SIPA1L2: variants seen among roughly 807,000 people sequenced by gnomAD.
The protein encoded by SIPA1L2 is signal induced proliferation associated 1 like 2.
A neutral mutation model predicts 163.9 loss-of-function variants in SIPA1L2; 56 were observed. The ratio of observed to expected loss-of-function variants is 0.34; its 90% confidence interval spans 0.28 to 0.43. SIPA1L2 has a LOEUF of 0.43. Among genes scored for constraint, SIPA1L2 ranks in the 20% least tolerant of loss-of-function variants. The pLI, the probability that SIPA1L2 is intolerant of heterozygous loss-of-function variation, is 1.00. For synonymous variants in SIPA1L2, 877 were observed against 865.7 expected, an observed-to-expected ratio of 1.01 and a Z score of -0.23; for missense variants, 1,974 against 2,193.5, an observed-to-expected ratio of 0.90 and a Z score of 2.00.
At chr1:232,575,216 T>C (rs1394973644) in intron 1 of SIPA1L2, among the ~76,000 whole-genome samples, 1 of 152,180 alleles carries the variant, frequency 6.6e-6, no homozygotes, top group African/African-American at 2.4e-5. Context: ...AGTGTGGCTC[T>C]CTAAATGCTG....
chr1:232,625,401 G>C (rs1663021331), intron 1 of SIPA1L2, among the ~76,000 whole-genome samples: 1 of 152,188 alleles, frequency 6.6e-6, no homozygotes, highest in Non-Finnish European at 1.5e-5. Flanking sequence ...ATTCTAAAAA[G>C]CATGATGGAA....
intron 18 of SIPA1L2, among the ~76,000 whole-genome samples, chr1:232,422,387 G>A (rs1471128523): frequency 6.6e-6 from 1 of 152,212 alleles, no homozygotes; most frequent in Non-Finnish European, 1.5e-5. Context: ...GATTGAGACA[G>A]ATTCAAATCT....
At chr1:232,493,462 T>G in intron 4 of SIPA1L2, 65 bp downstream of exon 4, 1 of 1,586,950 alleles carries the variant, frequency 6.3e-7, no homozygotes, top group South Asian at 1.1e-5. Context: ...TAAAACAAAC[T>G]GAAGCAGTAA....
chr1:232,546,031 T>C (rs1025216017), intron 2 of SIPA1L2, among the ~76,000 whole-genome samples: 5 of 152,222 alleles, frequency 3.3e-5, no homozygotes, highest in Non-Finnish European at 7.3e-5. Flanking sequence ...GTCATTACAT[T>C]GTGTTAGGAA....
chr1:232,410,745 C>T (rs1285587395), intron 19 of SIPA1L2, among the ~76,000 whole-genome samples: 2 of 152,114 alleles, frequency 1.3e-5, no homozygotes, highest in African/African-American at 2.4e-5. Flanking sequence ...AATCTAAGTA[C>T]CTTATCCACC....
Position 232,629,899 on chromosome 1 carries a change from C to T in SIPA1L2, c.-349G>A, listed in dbSNP as rs1244652481. 1.3e-5 allele frequency among the ~76,000 whole-genome samples: 2 copies of T among 151,662 alleles called. No homozygotes were observed. Among genetic ancestry groups the T allele is most frequent in the African/African-American group, 4.8e-5 (2 of 41,414 alleles). On this transcript the variant is annotated 5_prime_UTR_variant, in exon 1 of 23. Transcript: ENST00000674635. ...CAACGCCGTCCGCCGGAACCTGCTA[C>T]AGCCTGTGCGCGCCGGGCGGCGCGT...
intron 1 of SIPA1L2, among the ~76,000 whole-genome samples, chr1:232,620,894 C>T (rs1662772034): frequency 6.6e-6 from 1 of 152,166 alleles, no homozygotes; most frequent in African/African-American, 2.4e-5. Context: ...GTGTTATTTT[C>T]TTTGTTGTAA....
intron 1 of SIPA1L2, among the ~76,000 whole-genome samples, chr1:232,599,139 C>G (rs752118132): frequency 6.6e-6 from 1 of 152,298 alleles, no homozygotes; most frequent in East Asian, 1.9e-4. Flanking sequence ...CAGCAACCAG[C>G]TCTATGCTTA....
chr1:232,542,426 G>A (rs1343465213), intron 2 of SIPA1L2, among the ~76,000 whole-genome samples: 2 of 152,072 alleles, frequency 1.3e-5, no homozygotes, highest in African/African-American at 2.4e-5. Flanking sequence ...ATAGACAGTG[G>A]GTATTTATCA....
rs1660627908 is a variant in SIPA1L2, at chr1:232,585,834, T to TAATAACACGGC, written c.-318-11613_-318-11612insGCCGTGTTATT. Among the ~76,000 whole-genome samples, 4 of 152,180 alleles carry TAATAACACGGC rather than the reference T, an allele frequency of 2.6e-5. No individual in the cohort carries two copies. In the South Asian group the frequency reaches 8.3e-4, roughly 32 times the overall value. ...CAGAAAGTCAAGATGGCAGGTTTGG[T>TAATAACACGGC]AATAACACAGCTACTGACTTGCAAA... is the stretch of plus-strand genomic sequence containing the variant. On this transcript the variant is annotated intron_variant, in intron 1 of 22. Coordinates refer to ENST00000674635, the MANE Select transcript of SIPA1L2 (RefSeq NM_020808.5).
intron 14 of SIPA1L2, among the ~76,000 whole-genome samples, 183 bp from the exon 15 acceptor site, chr1:232,439,679 T>C (rs1416090337): frequency 1.3e-5 from 2 of 152,242 alleles, no homozygotes; most frequent in African/African-American, 4.8e-5. Context: ...AAGTCTCTAA[T>C]TCATACTTCT....
chr1:232,625,139 G>T (rs1173350248), intron 1 of SIPA1L2, among the ~76,000 whole-genome samples: 1 of 152,202 alleles, frequency 6.6e-6, no homozygotes, highest in Admixed American at 6.5e-5. Context: ...CACTCTTTCA[G>T]GATATCCATG....
chr1:232,592,779 C>T (rs1239815723), intron 1 of SIPA1L2, among the ~76,000 whole-genome samples: 3 of 149,878 alleles, frequency 2.0e-5, no homozygotes, highest in Non-Finnish European at 4.4e-5. Flanking sequence ...ATATTTCAAG[C>T]TTCAGTTTAT....
intron 1 of SIPA1L2, among the ~76,000 whole-genome samples, chr1:232,602,336 T>G (rs1289134920): frequency 6.6e-6 from 1 of 151,844 alleles, no homozygotes. Context: ...TTTTTTGTTT[T>G]GTTTTGTTTA....
chr1:232,608,608 A>G (rs548271125), intron 1 of SIPA1L2, among the ~76,000 whole-genome samples: 11 of 152,282 alleles, frequency 7.2e-5, no homozygotes, highest in African/African-American at 2.6e-4. Flanking sequence ...ATAAAAAATT[A>G]TTTTAGCATT....
At chr1:232,591,786 G>C (rs1379834713) in intron 1 of SIPA1L2, among the ~76,000 whole-genome samples, 1 of 152,236 alleles carries the variant, frequency 6.6e-6, no homozygotes, top group Non-Finnish European at 1.5e-5. Flanking sequence ...CAAGGAGTCA[G>C]TGAACGGAGG....
chr1:232,470,935 G>C (rs1664768775), intron 8 of SIPA1L2, among the ~76,000 whole-genome samples: 1 of 152,178 alleles, frequency 6.6e-6, no homozygotes, highest in Non-Finnish European at 1.5e-5. Flanking sequence ...CCAGTCTTGG[G>C]ATTCCAAGGC....
chr1:232,561,757 G>C (rs1278453424), intron 2 of SIPA1L2, among the ~76,000 whole-genome samples: 2 of 152,206 alleles, frequency 1.3e-5, no homozygotes, highest in African/African-American at 4.8e-5. Flanking sequence ...GATGGGAATG[G>C]TCTTGATGAA....
intron 2 of SIPA1L2, among the ~76,000 whole-genome samples, chr1:232,533,864 A>T (rs1462701740): frequency 6.6e-6 from 1 of 152,202 alleles, no homozygotes; most frequent in Non-Finnish European, 1.5e-5. Flanking sequence ...CTCCAAAGGT[A>T]TACTCTTGCC....
Sources: gnomAD v4.1 joint callset for allele counts (sites outside exome capture counted in the v4.1 genomes callset) on GRCh38, gnomAD v4.1.1 for gene constraint, MANE v1.5 for transcripts, NCBI Gene and HGNC (gene_info 2026-07-23, HGNC 2026-07-21) for gene names.